Variants in RECK observed in about 807,000 individuals in gnomAD.
The protein encoded by RECK is reversion-inducing cysteine-rich protein with Kazal motifs.
In RECK, 69 loss-of-function variants were observed where a neutral mutation model predicts 115.1. The ratio of observed to expected loss-of-function variants is 0.60; its 90% CI spans 0.49 to 0.73. The LOEUF (loss-of-function observed/expected upper bound fraction) is 0.73. RECK is among the 30% of genes least tolerant of loss of function. The pLI, the probability that RECK is intolerant of heterozygous loss-of-function variation, is 0.00. For synonymous variants in RECK, 414 were observed against 419.7 expected (o/e 0.99, Z 0.17); for missense variants, 1,047 against 1,203.7 (o/e 0.87, Z 1.93).
intron 6 of RECK, among the ~76,000 whole-genome samples, chr9:36,078,191 A>G (rs1478372916): frequency 6.6e-6 from 1 of 152,276 alleles, no homozygotes; most frequent in Non-Finnish European, 1.5e-5. Flanking sequence ...TGTTGTGAGT[A>G]AAAGCTATTG....
chr9:36,122,960 G>A lies in RECK; in HGVS notation c.2831G>A (p.Gly944Asp), dbSNP rs771396594. 1.9e-6 allele frequency: 3 copies of A among 1,614,166 alleles called. No individual in the cohort carries two copies. Among genetic ancestry groups the A allele is most frequent in the South Asian group, 2.2e-5 (2 of 91,080 alleles). Residue 944 changes from glycine to aspartate, a missense_variant, in exon 21 of 21, where the codon GGT becomes GAT. Transcript: ENST00000377966. Reference protein sequence around the residue: ...VQVSSSVPSAGVRARPSCHSL... With the variant: ...VQVSSSVPSADVRARPSCHSL... ...GTCTCCAGCAGTGTGCCATCGGCCG[G>A]TGTCAGGGCCAGGCCTTCTTGCCAC...
chr9:36,054,837 C>T (rs1821459880), intron 2 of RECK, among the ~76,000 whole-genome samples: 1 of 152,084 alleles, frequency 6.6e-6, no homozygotes, highest in South Asian at 2.1e-4. Flanking sequence ...ATGTTGTATT[C>T]ATGTCCCTGC....
chr9:36,057,122 T>G, intron 2 of RECK: 1 of 503,110 alleles, frequency 2.0e-6, no homozygotes, highest in Non-Finnish European at 2.6e-6. Flanking sequence ...GCTTGGTGAG[T>G]GAACCTTTGT....
chr9:36,037,484 A>T (rs1820712527), intron 1 of RECK, among the ~76,000 whole-genome samples: 1 of 151,716 alleles, frequency 6.6e-6, no homozygotes, highest in African/African-American at 2.4e-5. Context: ...GGCCCTAGTT[A>T]GTTATTGTTA....
chr9:36,105,988 C>T (rs1185983432), intron 13 of RECK, among the ~76,000 whole-genome samples: 6 of 151,956 alleles, frequency 3.9e-5, no homozygotes, highest in South Asian at 2.1e-4. Context: ...CCAAGGCGGG[C>T]GGATCACGAG....
intron 12 of RECK, 106 bp from the exon 13 acceptor site, chr9:36,105,037 A>ATGAT: frequency 1.2e-6 from 1 of 862,678 alleles, no homozygotes; most frequent in East Asian, 2.7e-5. Context: ...GCCTTACTTT[A>ATGAT]CACTCATGAG....
rs1345787608 is a variant in RECK, at chr9:36,094,126, A to G, written c.1085+2783A>G. On this transcript the variant is annotated intron_variant, in intron 10 of 20. Transcript: ENST00000377966. The surrounding 1 kb of genome is among the most constrained non-coding windows in gnomAD (Gnocchi z 4.1). ...CAGTCTGAAGGAAAATGCCACATGAAAACTCAGACCTATAGAGCACTGGGA... is the reference window on the plus strand; with the variant it reads ...CAGTCTGAAGGAAAATGCCACATGAGAACTCAGACCTATAGAGCACTGGGA... Among the ~76,000 whole-genome samples, 7 of 152,140 alleles carry G rather than the reference A, an allele frequency of 4.6e-5. No individual in the cohort carries two copies. The highest frequency in any genetic ancestry group is 8.8e-5 in the Non-Finnish European group (6 of 67,982).
chr9:36,048,126 A>AATATATAT (rs56726335), intron 1 of RECK, among the ~76,000 whole-genome samples: 3,129 of 114,978 alleles, frequency 0.027, 96 homozygotes, highest in Admixed American at 0.042. Flanking sequence ...ACACAGGTTG[A>AATATATAT]ATATATATAT....
chr9:36,070,412 G>C (rs1219036744), intron 6 of RECK, among the ~76,000 whole-genome samples: 1 of 151,882 alleles, frequency 6.6e-6, no homozygotes, highest in Non-Finnish European at 1.5e-5. Context: ...GTGAATGAAA[G>C]CTCCATAGAA....
At chr9:36,107,313 G>A (rs943056467) in intron 13 of RECK, among the ~76,000 whole-genome samples, 1 of 151,954 alleles carries the variant, frequency 6.6e-6, no homozygotes, top group Admixed American at 6.6e-5. Flanking sequence ...ATACTGGCCA[G>A]GCGCGGTAGC....
intron 2 of RECK, chr9:36,057,158 A>C (rs1204627294): frequency 4.4e-6 from 1 of 228,202 alleles, no homozygotes; most frequent in African/African-American, 2.3e-5. Context: ...AATTAAAAAA[A>C]AAAAAAAAAG....
chr9:36,116,976 C>T lies in RECK; in HGVS notation c.2061-9C>T. On this transcript the variant is annotated splice_polypyrimidine_tract_variant and intron_variant, in intron 16 of 20. Transcript: ENST00000377966. The stretch of plus-strand genomic sequence containing the variant: ...CATTGGCTCATGGTGCTGCATTCGT[C>T]TTTTTCAGGTGCATACCCAAACCAC... The T allele has an allele frequency of 1.9e-6, 3 of 1,601,398 alleles. No individual in the cohort carries two copies. Among genetic ancestry groups the T allele is most frequent in the Non-Finnish European group, 2.6e-6 (3 of 1,171,380 alleles).
chr9:36,039,095 G>A (rs1025330770), intron 1 of RECK, among the ~76,000 whole-genome samples: 28 of 152,128 alleles, frequency 1.8e-4, no homozygotes, highest in Non-Finnish European at 2.9e-5. Context: ...AAAATGCTGG[G>A]TTAGTTGATT....
chr9:36,082,189 C>CTCTCTCTCTCTCTCTCTCT (rs1228719052), intron 7 of RECK, among the ~76,000 whole-genome samples: 1 of 55,490 alleles, frequency 1.8e-5, no homozygotes, highest in Non-Finnish European at 4.3e-5. Flanking sequence ...TCTCTCTCTC[C>CTCTCTCTCTCTCTCTCTCT]TTTTTTCTTT....
chr9:36,064,880 A>G (rs1030756622), intron 5 of RECK, among the ~76,000 whole-genome samples: 2 of 151,952 alleles, frequency 1.3e-5, no homozygotes, highest in African/African-American at 4.8e-5. Flanking sequence ...TCTGGAATGG[A>G]AACTGACTCA....
Position 36,091,170 on chromosome 9 carries a change from C to A in RECK, c.912C>A (p.Leu304=). The part of the protein sequence containing the change: ...SKANTSTCRE[L]CTKLYSMSWG... ...ATTTGTGCTCTTGTTTCAGGGAACT[C>A]TGCACTAAACTTTACAGCATGAGCT... The change falls in exon 10 of 21, where the codon CTC becomes CTA. Residue 304 remains leucine, a synonymous_variant. Coordinates refer to ENST00000377966, the MANE Select transcript of RECK (RefSeq NM_021111.3). 6.2e-7 allele frequency: 1 copy of A among 1,613,650 alleles called. No individual in the cohort carries two copies.
At chr9:36,078,338 G>C (rs1449525331) in intron 6 of RECK, among the ~76,000 whole-genome samples, 1 of 152,250 alleles carries the variant, frequency 6.6e-6, no homozygotes, top group African/African-American at 2.4e-5. Context: ...TGATCCACAG[G>C]CTGAACCACA....
rs552616078 is a variant in RECK at position 36,079,452 on chromosome 9, T to C, written c.406-1153T>C. Reference sequence around the variant, plus strand: ...TACTGGGTGAATTGAGGAACCCTTATCTATGAGGCCCAGGGTTTTCTGTTT... The same window carrying C: ...TACTGGGTGAATTGAGGAACCCTTACCTATGAGGCCCAGGGTTTTCTGTTT... On this transcript the variant is annotated intron_variant, in intron 6 of 20. Transcript: ENST00000377966. 3.3e-5 allele frequency among the ~76,000 whole-genome samples: 5 copies of C among 152,324 alleles called. No individual in the cohort carries two copies. In the East Asian group the frequency reaches 9.6e-4, roughly 29 times the overall value.
intron 6 of RECK, among the ~76,000 whole-genome samples, chr9:36,070,313 A>G (rs1397799964): frequency 6.6e-6 from 1 of 152,214 alleles, no homozygotes; most frequent in African/African-American, 2.4e-5. Context: ...TAAAAGACCC[A>G]TATCTCAGAG....
Sources: allele counts gnomAD v4.1 joint callset (sites outside exome capture counted in the v4.1 genomes callset), GRCh38; gene constraint gnomAD v4.1.1; non-coding constraint Gnocchi (gnomAD v3.1); transcripts MANE v1.5; gene names NCBI Gene and HGNC (gene_info 2026-07-23, HGNC 2026-07-21).